Variants in PTPRM observed in about 807,000 individuals in gnomAD.
The protein encoded by PTPRM is protein tyrosine phosphatase receptor type M.
In PTPRM, 47 loss-of-function variants were observed where a neutral mutation model predicts 186.7. That is an observed-to-expected ratio of 0.25 (90% CI 0.20 to 0.32). The LOEUF is 0.32. Ranked by LOEUF, PTPRM falls within the 10% of genes least tolerant of loss-of-function variation. PTPRM has a pLI of 1.00. For missense variants in PTPRM, 1,494 were observed against 1,865.0 expected (o/e 0.80, Z 3.66); for synonymous variants, 668 against 674.9 (o/e 0.99, Z 0.16).
rs1437644934 is a variant in PTPRM at position 8,095,095 on chromosome 18, T to C, written c.1856+6244T>C. Among the ~76,000 whole-genome samples, 3 of 152,024 alleles carry C rather than the reference T, an allele frequency of 2.0e-5. No individual in the cohort carries two copies. The East Asian group carries it at 5.8e-4, about 29-fold the overall frequency. On this transcript the variant is annotated intron_variant, in intron 11 of 32. Coordinates refer to ENST00000580170, the MANE Select transcript of PTPRM (RefSeq NM_001105244.2). ...AAGGTGGTGCTAAGCATTGGGGATA[T>C]GGAGGAGGCTGCTAAGGGCTCTCTT...
chr18:7,583,055 T>C (rs1046544128), intron 1 of PTPRM, among the ~76,000 whole-genome samples: 1 of 152,212 alleles, frequency 6.6e-6, no homozygotes, highest in African/African-American at 2.4e-5. Context: ...GCTGCTGTTA[T>C]TGTTGGAGCC....
intron 1 of PTPRM, among the ~76,000 whole-genome samples, chr18:7,569,727 G>T (rs1362178978): frequency 6.6e-6 from 1 of 152,176 alleles, no homozygotes; most frequent in African/African-American, 2.4e-5. Flanking sequence ...AGCCTCAGTT[G>T]TACTGACCCA....
At chr18:7,987,908 G>A (rs1196672146) in intron 7 of PTPRM, among the ~76,000 whole-genome samples, 5 of 151,606 alleles carry the variant, frequency 3.3e-5, no homozygotes, top group Non-Finnish European at 7.4e-5. Flanking sequence ...AGCAGGCACA[G>A]TGGCTCATGC....
chr18:7,984,858 CAT>C (rs1433220094), intron 7 of PTPRM, among the ~76,000 whole-genome samples: 7 of 126,456 alleles, frequency 5.5e-5, no homozygotes, highest in African/African-American at 9.2e-5. Flanking sequence ...ATTATATACA[CAT>C]ATATAAATAT....
At chr18:8,081,155 T>A (rs557219315) in intron 9 of PTPRM, among the ~76,000 whole-genome samples, 3 of 152,318 alleles carry the variant, frequency 2.0e-5, no homozygotes, top group Admixed American at 1.3e-4. Context: ...TGCATGTTAT[T>A]CTATCTTGGT....
chr18:7,589,854 A>G (rs2143612423), intron 1 of PTPRM, among the ~76,000 whole-genome samples: 2 of 152,332 alleles, frequency 1.3e-5, no homozygotes, highest in South Asian at 2.1e-4. Context: ...GGTAGTTTCC[A>G]GCTGAATTCG....
chr18:8,378,552 C>A (rs2095710789), intron 27 of PTPRM, 138 bp downstream of exon 27: 7 of 1,051,616 alleles, frequency 6.7e-6, no homozygotes, highest in Non-Finnish European at 9.4e-6. Flanking sequence ...GGCTGGGTAA[C>A]CCAGAGCTCT....
At chr18:8,096,711 T>C (rs1215019818) in intron 11 of PTPRM, among the ~76,000 whole-genome samples, 1 of 152,176 alleles carries the variant, frequency 6.6e-6, no homozygotes, top group Non-Finnish European at 1.5e-5. Context: ...TTAATCACAG[T>C]TATTGATTTA....
chr18:7,881,043 T>A (rs1266579155), intron 2 of PTPRM, among the ~76,000 whole-genome samples: 1 of 152,158 alleles, frequency 6.6e-6, no homozygotes, highest in Non-Finnish European at 1.5e-5. Flanking sequence ...GTTAGAAGCG[T>A]AGTGGTACAC....
chr18:7,803,821 T>G (rs936863320), intron 2 of PTPRM, among the ~76,000 whole-genome samples: 5 of 152,156 alleles, frequency 3.3e-5, no homozygotes, highest in African/African-American at 1.2e-4. Context: ...GGACAACACA[T>G]GCCTACTTCA....
chr18:8,167,267 G>A (rs563732172), intron 14 of PTPRM, among the ~76,000 whole-genome samples: 4 of 152,190 alleles, frequency 2.6e-5, no homozygotes, highest in Admixed American at 6.5e-5. Context: ...ACCCACATGC[G>A]GTGACTCTTT....
rs150159479 is a variant in PTPRM, at chr18:7,613,379, A to C, written c.73+45488A>C. On this transcript the variant is annotated intron_variant, in intron 1 of 32. Transcript: ENST00000580170. ...TTTCAGTCATATTGTTTCTTGAAATAAATTGAAAATACCGGCCAGGCGCGG... is the reference window on the plus strand; with the variant it reads ...TTTCAGTCATATTGTTTCTTGAAATCAATTGAAAATACCGGCCAGGCGCGG... Among the ~76,000 whole-genome samples, 908 of 152,340 alleles carry C rather than the reference A, an allele frequency of 6.0e-3. 11 individuals are homozygous for C. The highest frequency in any genetic ancestry group is 0.021 in the African/African-American group (869 of 41,578).
intron 2 of PTPRM, among the ~76,000 whole-genome samples, chr18:7,873,970 G>A (rs1036892207): frequency 1.2e-4 from 18 of 151,638 alleles, no homozygotes; most frequent in African/African-American, 3.2e-4. Context: ...GTTCTTTGTC[G>A]TAGCAGGTGT....
chr18:8,094,884 T>A (rs572744988), intron 11 of PTPRM, among the ~76,000 whole-genome samples: 1 of 152,308 alleles, frequency 6.6e-6, no homozygotes, highest in African/African-American at 2.4e-5. Context: ...AGGACACATT[T>A]TGAAATTAGA....
chr18:7,947,575 C>T (rs1381105831), intron 5 of PTPRM, among the ~76,000 whole-genome samples: 1 of 152,078 alleles, frequency 6.6e-6, no homozygotes, highest in African/African-American at 2.4e-5. Flanking sequence ...AGGTGCTTGC[C>T]CACCTCCCTA....
chr18:7,787,948 A>G (rs937104745), intron 2 of PTPRM, among the ~76,000 whole-genome samples: 2 of 152,328 alleles, frequency 1.3e-5, no homozygotes, highest in African/African-American at 2.4e-5. Flanking sequence ...ACTGAGAATA[A>G]TAAAGTCAAA....
At chr18:7,825,654 T>C (rs1002198554) in intron 2 of PTPRM, among the ~76,000 whole-genome samples, 6 of 152,142 alleles carry the variant, frequency 3.9e-5, no homozygotes, top group African/African-American at 4.8e-5. Flanking sequence ...CTCATTATGT[T>C]ATCCCTGACA....
At position 7,668,410 on chromosome 18, in the gene PTPRM, G is replaced by A. The variant is rs1191239642; in HGVS notation, c.73+100519G>A. 1.3e-5 allele frequency among the ~76,000 whole-genome samples: 2 copies of A among 152,292 alleles called. No individual in the cohort carries two copies. The highest frequency in any genetic ancestry group is 6.5e-5 in the Admixed American group (1 of 15,298). On this transcript the variant is annotated intron_variant, in intron 1 of 32. Coordinates refer to ENST00000580170, the MANE Select transcript of PTPRM (RefSeq NM_001105244.2). This position sits in a 1 kb window ranked among gnomAD's most constrained non-coding sequence, Gnocchi z 4.7. ...TTATTATGTAGCTCTCAGCTGCAAC[G>A]GTATTTAACACGTTTTACACATTTT...
At chr18:8,136,237 G>A (rs2092635400) in intron 13 of PTPRM, among the ~76,000 whole-genome samples, 1 of 152,170 alleles carries the variant, frequency 6.6e-6, no homozygotes, top group Admixed American at 6.5e-5. Flanking sequence ...GTTGCACACA[G>A]TTGATAACTT....
Sources: allele counts gnomAD v4.1 joint callset (sites outside exome capture counted in the v4.1 genomes callset), GRCh38; gene constraint gnomAD v4.1.1; non-coding constraint Gnocchi (gnomAD v3.1); transcripts MANE v1.5; gene names NCBI Gene and HGNC (gene_info 2026-07-23, HGNC 2026-07-21).